ATP2C1: variants seen among roughly 807,000 people sequenced by gnomAD.
The protein encoded by ATP2C1 is ATPase secretory pathway Ca2+ transporting 1.
In ATP2C1, 31 loss-of-function variants were observed where a neutral mutation model predicts 120.5. The observed-to-expected ratio is 0.26, with a 90% CI of 0.19 to 0.35. The LOEUF is 0.35. Among genes scored for constraint, ATP2C1 ranks in the 10% least tolerant of loss-of-function variants. The probability of loss-of-function intolerance (pLI) is 1.00; values close to 1 mark genes in which losing one functional copy is unlikely to be tolerated. For missense variants in ATP2C1, 731 were observed against 1,107.5 expected (o/e 0.66, Z 4.83); for synonymous variants, 351 against 358.7 (o/e 0.98, Z 0.24).
At position 130,945,190 on chromosome 3, in the gene ATP2C1, GT is replaced by G. The variant is rs992968381; in HGVS notation, c.531+3500del. ...GAATTGAGCTTTGGGCATGTTATTTGTTTTTTTTTCCCCCGAGGGTTTTTAT... is the reference window on the plus strand; with the variant it reads ...GAATTGAGCTTTGGGCATGTTATTTGTTTTTTTTCCCCCGAGGGTTTTTAT... On this transcript the variant is annotated intron_variant, in intron 8 of 27. Transcript: ENST00000510168. 4.7e-4 allele frequency among the ~76,000 whole-genome samples: 70 copies of G among 150,486 alleles called. 1 individual carries two copies. Among genetic ancestry groups the G allele is most frequent in the African/African-American group, 1.6e-3 (65 of 41,004 alleles).
chr3:130,979,466 T>C (rs1371724110), intron 19 of ATP2C1, 47 bp downstream of exon 19: 2 of 1,572,240 alleles, frequency 1.3e-6, no homozygotes, highest in Non-Finnish European at 1.7e-6. Context: ...TTTCTTAAAA[T>C]ACTGTGGTGC....
intron 7 of ATP2C1, among the ~76,000 whole-genome samples, chr3:130,941,223 AGT>A (rs71774561): frequency 0.029 from 4,127 of 144,348 alleles, 73 homozygotes; most frequent in East Asian, 0.045. Context: ...TGTATTTAAC[AGT>A]GTGTGTGTGT....
chr3:130,886,654 C>T (rs1210676712), intron 1 of ATP2C1, among the ~76,000 whole-genome samples: 1 of 152,086 alleles, frequency 6.6e-6, no homozygotes, highest in Non-Finnish European at 1.5e-5. Flanking sequence ...CTTTAGTATT[C>T]CAGTTGCATT....
chr3:131,008,548 T>C (rs923957499), intron 26 of ATP2C1, among the ~76,000 whole-genome samples: 2 of 152,202 alleles, frequency 1.3e-5, no homozygotes, highest in Non-Finnish European at 2.9e-5. Flanking sequence ...ACAATATTGT[T>C]TATTGGCACT....
intron 2 of ATP2C1, among the ~76,000 whole-genome samples, chr3:130,915,614 G>A (rs1020072645): frequency 3.3e-5 from 5 of 152,128 alleles, no homozygotes; most frequent in African/African-American, 1.2e-4. Context: ...GGAAAAACAC[G>A]TTTGGATGAG....
At chr3:130,867,227 G>A (rs539998909) in intron 1 of ATP2C1, among the ~76,000 whole-genome samples, 2 of 152,094 alleles carry the variant, frequency 1.3e-5, no homozygotes, top group South Asian at 2.1e-4. Context: ...CCCTACAATG[G>A]CCTGTAAATG....
intron 17 of ATP2C1, among the ~76,000 whole-genome samples, chr3:130,972,472 C>CT (rs76538100): frequency 0.069 from 9,890 of 142,830 alleles, 382 homozygotes; most frequent in African/African-American, 0.1. Flanking sequence ...TTTCTTCACT[C>CT]TTTTTTTTTT....
At chr3:130,980,445 T>C in intron 19 of ATP2C1, 137 bp from the exon 20 acceptor site, 2 of 677,556 alleles carry the variant, frequency 3.0e-6, no homozygotes, top group East Asian at 2.8e-5. Context: ...GACTTAATAC[T>C]GATTCAGATA....
intron 20 of ATP2C1, among the ~76,000 whole-genome samples, chr3:130,981,900 T>G (rs2061782799): frequency 6.6e-6 from 1 of 152,258 alleles, no homozygotes; most frequent in Non-Finnish European, 1.5e-5. Flanking sequence ...AATTATGTTT[T>G]CTAATTATTG....
In ATP2C1 at chr3:131,016,315, C is replaced by T. The variant is rs909438106; in HGVS notation, c.*126C>T. 9.3e-6 allele frequency: 15 copies of T among 1,614,050 alleles called. No individual in the cohort carries two copies. The highest frequency in any genetic ancestry group is 8.3e-5 in the Admixed American group (5 of 60,004). ...GAACTCTGCATACAACATCTTAGCA[C>T]CATCTTCCTGCAGCTCTTCCTTACC... On this transcript the variant is annotated 3_prime_UTR_variant, in exon 27 of 27. Transcript: ENST00000328560.
chr3:130,961,745 T>G (rs1455272187), intron 12 of ATP2C1, among the ~76,000 whole-genome samples: 1 of 152,080 alleles, frequency 6.6e-6, no homozygotes, highest in African/African-American at 2.4e-5. Flanking sequence ...GAATTCAGAA[T>G]TTTTCACTTT....
At chr3:130,894,023 G>C (rs977953547), upstream of ATP2C1, 12 of 986,248 alleles carry the variant, frequency 1.2e-5, no homozygotes, top group Non-Finnish European at 1.4e-5. This position sits in a 1 kb window ranked among gnomAD's most constrained non-coding sequence, Gnocchi z 4.5. Flanking sequence ...CCAGGAGTGC[G>C]GGGCGCGACT....
At chr3:130,952,887 C>T (rs753989915) in intron 8 of ATP2C1, among the ~76,000 whole-genome samples, 2 of 152,146 alleles carry the variant, frequency 1.3e-5, no homozygotes, top group Non-Finnish European at 2.9e-5. Flanking sequence ...GGACTCTTAA[C>T]TTCTAACAAG....
chr3:130,982,670 C>T (rs950985878), intron 20 of ATP2C1, among the ~76,000 whole-genome samples: 1 of 152,102 alleles, frequency 6.6e-6, no homozygotes, highest in Admixed American at 6.5e-5. Context: ...CTACCTCCTC[C>T]TTCATTTATT....
At chr3:130,891,740 C>A (rs2069175451), upstream of ATP2C1, among the ~76,000 whole-genome samples, 2 of 152,052 alleles carry the variant, frequency 1.3e-5, no homozygotes, top group African/African-American at 4.8e-5. Context: ...TTACAAAAAT[C>A]TTTTGAAAGA....
intron 9 of ATP2C1, 22 bp downstream of exon 9, chr3:130,953,998 A>G (rs748273771): frequency 6.2e-7 from 1 of 1,613,142 alleles, no homozygotes; most frequent in South Asian, 1.1e-5. Flanking sequence ...TCCTGATTTG[A>G]AAAAAGCAGT....
intron 2 of ATP2C1, chr3:130,930,186 T>C (rs1268322041): frequency 4.3e-5 from 22 of 507,100 alleles, no homozygotes; most frequent in Non-Finnish European, 7.5e-5. Context: ...GTGAAAATTT[T>C]GTGTTCTAGC....
intron 1 of ATP2C1, among the ~76,000 whole-genome samples, chr3:130,887,239 C>G (rs539186113): frequency 6.6e-6 from 1 of 152,304 alleles, no homozygotes; most frequent in Non-Finnish European, 1.5e-5. Context: ...ATACTACCCC[C>G]CTGGCCCTCA....
chr3:130,883,932 T>TC (rs2068871144), intron 1 of ATP2C1, among the ~76,000 whole-genome samples: 1 of 141,066 alleles, frequency 7.1e-6, no homozygotes, highest in African/African-American at 2.6e-5. Flanking sequence ...TCTTTCTTTC[T>TC]TTTTCTTTTC....
Sources: gnomAD v4.1 joint callset for allele counts (sites outside exome capture counted in the v4.1 genomes callset) on GRCh38, gnomAD v4.1.1 for gene constraint, Gnocchi (gnomAD v3.1) non-coding constraint, MANE v1.5 for transcripts, NCBI Gene and HGNC (gene_info 2026-07-23, HGNC 2026-07-21) for gene names.